Variants in PHF8 observed in about 807,000 individuals in gnomAD.
PHF8 encodes histone lysine demethylase PHF8.
Under a neutral mutation model 74.4 loss-of-function variants are expected in PHF8, and 9 were observed. That is an observed-to-expected ratio of 0.12 (90% CI 0.07 to 0.21). The LOEUF is 0.21. PHF8 is among the 10% of genes least tolerant of loss of function. The pLI, the probability that PHF8 is intolerant of heterozygous loss-of-function variation, is 1.00. For missense variants in PHF8, 478 were observed against 816.6 expected (o/e 0.59, Z 5.05); for synonymous variants, 311 against 316.6 (o/e 0.98, Z 0.19).
chrX:54,036,583 A>C (rs1180926019), intron 2 of PHF8, among the ~76,000 whole-genome samples: 2 of 103,571 alleles, frequency 1.9e-5, no homozygotes, highest in Non-Finnish European at 2.0e-5. Flanking sequence ...AAAAAAAAAA[A>C]AAAAAAAAAA....
At chrX:54,011,349 A>C (rs1557106708) in intron 7 of PHF8, 65 bp from the exon 8 acceptor site, 2 of 908,189 alleles carry the variant, frequency 2.2e-6, no homozygotes, top group Non-Finnish European at 3.2e-6. Context: ...CTTAACGGGT[A>C]CTCCAAAGGG....
rs77581173 is a variant in PHF8, at chrX:54,014,554, G to T, written c.606C>A (p.Asn202Lys). 8.3e-7 allele frequency: 1 copy of T among 1,200,171 alleles called. No individual in the cohort carries two copies. The highest frequency in any genetic ancestry group is 1.1e-6 in the Non-Finnish European group (1 of 885,323). ...SLEFSDTRLSNLVETPKIVRK... is the reference protein window; with the variant it reads ...SLEFSDTRLSKLVETPKIVRK... The stretch of plus-strand genomic sequence containing the variant: ...GAACAATCTTCGGTGTCTCCACAAG[G>T]TTAGAAAGTCTACCAAGGAAGGGGT... The change falls in exon 7 of 22, where the codon AAC becomes AAA. Residue 202 changes from asparagine (N) to lysine (K), a missense_variant. Physicochemically the swap from Asn to Lys is moderately conservative, Grantham distance 94 (BLOSUM62 0). This residue lies in a region of PHF8 where 70 missense variants were observed against 234.1 expected (regional missense o/e 0.30). Transcript: ENST00000338154.
chrX:54,006,163 C>T (rs2065895049), intron 8 of PHF8, among the ~76,000 whole-genome samples: 1 of 111,372 alleles, frequency 9.0e-6, no homozygotes, highest in African/African-American at 3.3e-5. Context: ...TAGAAAAATG[C>T]GAAGGATAAA....
intron 18 of PHF8, among the ~76,000 whole-genome samples, chrX:53,975,847 A>C (rs782759216): frequency 1.7e-3 from 189 of 112,106 alleles, no homozygotes; most frequent in Non-Finnish European, 2.2e-3. Context: ...GCATATTTCA[A>C]AACAGCTAGA....
In PHF8 at chrX:54,014,543, G is replaced by A; in HGVS notation, c.617C>T (p.Thr206Ile). 8.3e-7 allele frequency: 1 copy of A among 1,205,147 alleles called. No homozygotes were observed. Among genetic ancestry groups the A allele is most frequent in the Non-Finnish European group, 1.1e-6 (1 of 889,736 alleles). ...SDTRLSNLVE[T>I]PKIVRKLSWV... The stretch of plus-strand genomic sequence containing the variant: ...TGACAGCTTTCGAACAATCTTCGGT[G>A]TCTCCACAAGGTTAGAAAGTCTACC... The change falls in exon 7 of 22, where the codon ACA becomes ATA. Residue 206 changes from threonine to isoleucine, a missense_variant. Thr to Ile is a moderately conservative substitution (Grantham distance 89). This residue lies in a region of PHF8 where 70 missense variants were observed against 234.1 expected (regional missense o/e 0.30). Transcript: ENST00000338154.
chrX:53,943,133 T>A (rs1368224246), intron 20 of PHF8: 2 of 845,848 alleles, frequency 2.4e-6, no homozygotes, highest in Non-Finnish European at 2.9e-6. Context: ...TTTACTTAAT[T>A]TATATTTATA....
chrX:53,953,003 G>A (rs1313629764), intron 19 of PHF8, among the ~76,000 whole-genome samples: 1 of 110,411 alleles, frequency 9.1e-6, no homozygotes, highest in Non-Finnish European at 1.9e-5. Flanking sequence ...GGCCAGGTGC[G>A]GTGGCTCGCG....
chrX:53,973,860 C>T (rs1175682744), intron 18 of PHF8, among the ~76,000 whole-genome samples: 3 of 111,593 alleles, frequency 2.7e-5, no homozygotes, highest in Non-Finnish European at 3.8e-5. Context: ...AACAGACAAC[C>T]TACAGAATGG....
At position 53,993,640 on chromosome X, in the gene PHF8, A is replaced by C. The variant is rs1557101992; in HGVS notation, c.1587T>G (p.Ser529Arg). Residue 529 changes from serine (S) to arginine (R), a missense_variant, in exon 13 of 22, where the codon AGT becomes AGG. Coordinates refer to ENST00000338154, the MANE Select transcript of PHF8 (RefSeq NM_015107.3). The part of the protein sequence containing the change: ...QLSYNLMDTY[S>R]HQALKTGSFQ... ...AAGAGCCTGTCTTCAGTGCCTGATG[A>C]CTGTATGTGTCCATGAGATTATAGC... 2 of 1,211,229 alleles carry C rather than the reference A, an allele frequency of 1.7e-6. No individual in the cohort carries two copies. Among genetic ancestry groups the C allele is most frequent in the Non-Finnish European group, 2.2e-6 (2 of 894,952 alleles).
chrX:54,044,962 C>T, upstream of PHF8: 2 of 926,470 alleles, frequency 2.2e-6, no homozygotes, highest in East Asian at 3.4e-5. Context: ...GTGAAGGAAG[C>T]TCTGTGATTA....
intron 7 of PHF8, 99 bp from the exon 8 acceptor site, chrX:54,011,383 G>A (rs782626043): frequency 3.2e-5 from 22 of 687,940 alleles, no homozygotes; most frequent in African/African-American, 2.6e-4. Context: ...GCTCCAAAAC[G>A]ATGGCAATAT....
chrX:54,046,582 CA>C (rs58124156), upstream of PHF8, among the ~76,000 whole-genome samples: 258 of 88,761 alleles, frequency 2.9e-3, 2 homozygotes, highest in African/African-American at 0.01. Flanking sequence ...GACTCCATCT[CA>C]AAAAAAAAAA....
rs782719675 is a variant in PHF8, at chrX:53,940,536, G to A, written c.2650-20C>T. 4.6e-6 allele frequency: 5 copies of A among 1,081,419 alleles called. No homozygotes were observed. The South Asian group carries it at 9.5e-5, about 21-fold the overall frequency. The allele number at this position is 1,081,419 out of a possible 1,213,427, so 89.1% of individuals were successfully genotyped here. On this transcript the variant is annotated intron_variant, in intron 20 of 21. Coordinates refer to ENST00000338154, the MANE Select transcript of PHF8 (RefSeq NM_015107.3). ...TAGCTCCTGAAACACAAGCCAAGTA[G>A]GAGGAGAGATTAAGGAGTGAAGAAG...
At chrX:53,979,542 A>G (rs2065446280) in intron 18 of PHF8, among the ~76,000 whole-genome samples, 1 of 111,765 alleles carries the variant, frequency 8.9e-6, no homozygotes, top group Non-Finnish European at 1.9e-5. Flanking sequence ...AAGCCAAAAA[A>G]CTAGTTTTTG....
intron 15 of PHF8, 32 bp downstream of exon 15, chrX:53,987,734 C>T: frequency 1.8e-6 from 2 of 1,123,381 alleles, no homozygotes; most frequent in East Asian, 3.2e-5. Context: ...AAAAAACGGG[C>T]AGGGGAGGAA....
At chrX:54,032,128 C>T (rs1455447020) in intron 2 of PHF8, among the ~76,000 whole-genome samples, 2 of 111,625 alleles carry the variant, frequency 1.8e-5, no homozygotes, top group Non-Finnish European at 3.8e-5. Flanking sequence ...TGGCTCCCAT[C>T]CAGAGTAAAA....
At chrX:54,021,454 ATTTTTTTTTTTTTTTTTTT>A (rs1156928686) in intron 4 of PHF8, among the ~76,000 whole-genome samples, 3 of 42,168 alleles carry the variant, frequency 7.1e-5, no homozygotes, top group Admixed American at 3.7e-4. Flanking sequence ...AGTTGCAATT[ATTTTTTTTTTTTTTTTTTT>A]TTTTTTTTTT....
chrX:54,011,323 G>C (rs782732547), intron 7 of PHF8, 39 bp from the exon 8 acceptor site: 4 of 1,141,413 alleles, frequency 3.5e-6, no homozygotes, highest in Non-Finnish European at 4.8e-6. Context: ...AAATACCAAG[G>C]GTTTCCAGAA....
chrX:54,015,218 T>C (rs2149875164), intron 6 of PHF8, among the ~76,000 whole-genome samples: 1 of 111,487 alleles, frequency 9.0e-6, no homozygotes, highest in East Asian at 2.8e-4. Flanking sequence ...TCTTTCAGGA[T>C]GAAGTGAAGT....
Sources: allele counts gnomAD v4.1 joint callset (sites outside exome capture counted in the v4.1 genomes callset), GRCh38; gene constraint gnomAD v4.1.1; regional missense constraint gnomAD v4.1.1; transcripts MANE v1.5; gene names NCBI Gene and HGNC (gene_info 2026-07-23, HGNC 2026-07-21).